ADAMTS16: variants seen among roughly 807,000 people sequenced by gnomAD.
ADAMTS16 encodes A disintegrin and metalloproteinase with thrombospondin motifs 16.
Under a neutral mutation model 145.8 loss-of-function variants are expected in ADAMTS16, and 94 were observed. That is an observed-to-expected ratio of 0.64 (90% CI 0.55 to 0.77). ADAMTS16 has a LOEUF of 0.77. Ranked by LOEUF, ADAMTS16 falls within the 30% of genes least tolerant of loss-of-function variation. The pLI, the probability that ADAMTS16 is intolerant of heterozygous loss-of-function variation, is 0.00. For synonymous variants in ADAMTS16, 659 were observed against 604.3 expected (o/e 1.09, Z -1.33); for missense variants, 1,585 against 1,591.5 (o/e 1.00, Z 0.07).
In ADAMTS16 at chr5:5,182,957, T is replaced by TAC. The variant is rs573974213; in HGVS notation, c.763+652_763+653insAC. Reference sequence around the variant, plus strand: ...CCTCAGGAGTCTCTGGACTGCCCCCTCTCCCCCTGCCCATTGTTTCCTGCG... The same window carrying TAC: ...CCTCAGGAGTCTCTGGACTGCCCCCTACCTCCCCCTGCCCATTGTTTCCTGCG... On this transcript the variant is annotated intron_variant, in intron 4 of 22. Coordinates refer to ENST00000274181, the MANE Select transcript of ADAMTS16 (RefSeq NM_139056.4). Among the ~76,000 whole-genome samples the TAC allele has an allele frequency of 2.9e-4, 44 of 152,256 alleles. No individual in the cohort carries two copies. The South Asian group carries it at 8.1e-3, about 28-fold the overall frequency.
In ADAMTS16 at chr5:5,190,131, G is replaced by A; in HGVS notation, c.1207+1G>A. ...AAGAATGAGCCCTGTGACACTTTGGGTGAGAACCTCCAGCAGAGTGTGAGG... is the reference window on the plus strand; with the variant it reads ...AAGAATGAGCCCTGTGACACTTTGGATGAGAACCTCCAGCAGAGTGTGAGG... On this transcript the variant is annotated splice_donor_variant, in intron 7 of 22. Transcript: ENST00000274181. LOFTEE classifies it high-confidence loss of function. The A allele has an allele frequency of 6.3e-7, 1 of 1,589,316 alleles. No individual in the cohort carries two copies. Among genetic ancestry groups the A allele is most frequent in the Non-Finnish European group, 8.6e-7 (1 of 1,167,310 alleles).
intron 21 of ADAMTS16, 33 bp from the exon 22 acceptor site, chr5:5,318,101 G>A: frequency 7.4e-7 from 1 of 1,350,122 alleles, no homozygotes; most frequent in South Asian, 2.2e-5. Flanking sequence ...GAGAGCCTGG[G>A]GCCATGGTGA....
At chr5:5,318,807 C>A (rs1053566259) in intron 22 of ADAMTS16, among the ~76,000 whole-genome samples, 1 of 152,082 alleles carries the variant, frequency 6.6e-6, no homozygotes, top group African/African-American at 2.4e-5. Context: ...GTGGGGTCAG[C>A]ACAAGAAGAA....
rs1214889011 is a variant in ADAMTS16 at position 5,227,414 on chromosome 5, G to A, written c.1701+4530G>A. On this transcript the variant is annotated intron_variant, in intron 11 of 22. Coordinates refer to ENST00000274181, the MANE Select transcript of ADAMTS16 (RefSeq NM_139056.4). ...CCTAAGAAACCTAATTGGTATTTCC[G>A]TGGAAATCTATATATATATTTAACA... Among the ~76,000 whole-genome samples the A allele has an allele frequency of 5.9e-5, 9 of 152,170 alleles. No homozygotes were observed. The South Asian group carries it at 6.2e-4, about 11-fold the overall frequency.
intron 17 of ADAMTS16, among the ~76,000 whole-genome samples, chr5:5,255,803 T>C (rs888710684): frequency 6.6e-6 from 1 of 152,244 alleles, no homozygotes; most frequent in Non-Finnish European, 1.5e-5. Flanking sequence ...TTCTAATATA[T>C]TGACTTTTGT....
chr5:5,259,774 C>A (rs1028234407), intron 17 of ADAMTS16, among the ~76,000 whole-genome samples: 40 of 152,334 alleles, frequency 2.6e-4, no homozygotes, highest in African/African-American at 9.1e-4. Context: ...TTGTTAGGAA[C>A]AAAAGGAAAG....
rs1335176426 is a variant in ADAMTS16, at chr5:5,319,900, G to A, written c.*762G>A. 2.2e-6 allele frequency: 1 copy of A among 455,732 alleles called. No individual in the cohort carries two copies. Among genetic ancestry groups the A allele is most frequent in the African/African-American group, 2.0e-5 (1 of 50,166 alleles). The allele number at this position is 455,732 out of a possible 1,614,324, so 28.2% of individuals were successfully genotyped here. A position where few individuals can be genotyped will look rare whatever the true frequency, so the allele number is the denominator to read the frequency against. ...CTTTCTCAGTTATTTGCAAGTGAGT[G>A]TCCTTTTAAAAACACACTTCTTCAT... On this transcript the variant is annotated 3_prime_UTR_variant, in exon 23 of 23. Transcript: ENST00000274181.
chr5:5,160,488 C>T (rs1297171089), intron 3 of ADAMTS16, among the ~76,000 whole-genome samples: 2 of 152,088 alleles, frequency 1.3e-5, no homozygotes, highest in Admixed American at 6.6e-5. Context: ...ACCTCCTCTA[C>T]TAGATGAAGA....
At chr5:5,251,161 T>A (rs185558348) in intron 17 of ADAMTS16, among the ~76,000 whole-genome samples, 21 of 152,326 alleles carry the variant, frequency 1.4e-4, no homozygotes, top group African/African-American at 5.1e-4. Flanking sequence ...ACACAAATCA[T>A]TCCTGAGACA....
chr5:5,305,860 C>T (rs1170139544), intron 20 of ADAMTS16, among the ~76,000 whole-genome samples: 1 of 152,258 alleles, frequency 6.6e-6, no homozygotes, highest in Non-Finnish European at 1.5e-5. Flanking sequence ...TGTGGTGGGA[C>T]AGTGTGCCTT....
chr5:5,186,040 G>A lies in ADAMTS16; in HGVS notation c.764-12G>A. ...TTGTGCTTCCATTTGCCCTCCATGT[G>A]TCCCTCCATAGACATGCCCCAGCCT... On this transcript the variant is annotated splice_polypyrimidine_tract_variant and intron_variant, in intron 4 of 22. Coordinates refer to ENST00000274181, the MANE Select transcript of ADAMTS16 (RefSeq NM_139056.4). 6.2e-7 allele frequency: 1 copy of A among 1,605,988 alleles called. No individual in the cohort carries two copies. The highest frequency in any genetic ancestry group is 1.3e-5 in the African/African-American group (1 of 74,890).
chr5:5,319,437 T>C lies in ADAMTS16; in HGVS notation c.*299T>C, dbSNP rs1734194722. ...CAACGGGAGAGGCAGCACTCACCCC[T>C]GCCTGTTGCAGCTAAATCAAGTCAA... is the stretch of plus-strand genomic sequence containing the variant. On this transcript the variant is annotated 3_prime_UTR_variant, in exon 23 of 23. Transcript: ENST00000274181. 2.4e-6 allele frequency: 1 copy of C among 409,248 alleles called. No individual in the cohort carries two copies. Among genetic ancestry groups the C allele is most frequent in the South Asian group, 2.8e-5 (1 of 35,976 alleles). The allele number at this position is 409,248 out of a possible 1,614,324, so 25.4% of individuals were successfully genotyped here.
rs1307532390 is a variant in ADAMTS16 at position 5,269,070 on chromosome 5, C to A, written c.2789+6287C>A. ...ACCTGTGACCTCTCGGTCCTTAACACCCCTCTCCAGACAGGCCATGCCTCT... is the reference window on the plus strand; with the variant it reads ...ACCTGTGACCTCTCGGTCCTTAACAACCCTCTCCAGACAGGCCATGCCTCT... On this transcript the variant is annotated intron_variant, in intron 18 of 22. Coordinates refer to ENST00000274181, the MANE Select transcript of ADAMTS16 (RefSeq NM_139056.4). The surrounding 1 kb of genome is among the most constrained non-coding windows in gnomAD (Gnocchi z 4.3). 6.6e-6 allele frequency among the ~76,000 whole-genome samples: 1 copy of A among 152,168 alleles called. No individual in the cohort carries two copies. The highest frequency in any genetic ancestry group is 2.4e-5 in the African/African-American group (1 of 41,436).
intron 16 of ADAMTS16, 27 bp from the exon 17 acceptor site, chr5:5,242,026 T>C (rs777271565): frequency 1.9e-6 from 3 of 1,612,976 alleles, no homozygotes; most frequent in East Asian, 2.2e-5. Context: ...TAATTTGTTT[T>C]ATTTTTTCCC....
intron 8 of ADAMTS16, among the ~76,000 whole-genome samples, chr5:5,192,234 C>A (rs1735679757): frequency 6.6e-6 from 1 of 152,124 alleles, no homozygotes; most frequent in Non-Finnish European, 1.5e-5. Flanking sequence ...CACAAGTTTC[C>A]ATGTCCCTGG....
At chr5:5,271,376 T>A (rs926304012) in intron 18 of ADAMTS16, among the ~76,000 whole-genome samples, 2 of 152,240 alleles carry the variant, frequency 1.3e-5, no homozygotes, top group Non-Finnish European at 2.9e-5. Context: ...CGGGGAGCTG[T>A]GCAGCCTGTG....
chr5:5,154,802 G>T (rs776246607), intron 3 of ADAMTS16, among the ~76,000 whole-genome samples: 4 of 152,166 alleles, frequency 2.6e-5, no homozygotes, highest in Admixed American at 6.5e-5. Context: ...TCCATCCTCA[G>T]CCTCACAAAG....
chr5:5,263,414 C>T (rs1738107526), intron 18 of ADAMTS16, among the ~76,000 whole-genome samples: 1 of 152,248 alleles, frequency 6.6e-6, no homozygotes, highest in Admixed American at 6.5e-5. Context: ...CTCTGGTCTT[C>T]ATTTTCTTCA....
At position 5,239,935 on chromosome 5, in the gene ADAMTS16, A is replaced by G; in HGVS notation, c.2523+10A>G. 1.2e-6 allele frequency: 2 copies of G among 1,612,460 alleles called. No homozygotes were observed. The highest frequency in any genetic ancestry group is 1.7e-6 in the Non-Finnish European group (2 of 1,178,922). ...GACACTGATTGTGGAGGTAAAGTCC[A>G]GCCTCTTGATTTTGGGGCTTGGATT... On this transcript the variant is annotated intron_variant, in intron 16 of 22. Transcript: ENST00000274181.
Sources: allele counts gnomAD v4.1 joint callset (sites outside exome capture counted in the v4.1 genomes callset), GRCh38; gene constraint gnomAD v4.1.1; non-coding constraint Gnocchi (gnomAD v3.1); transcripts MANE v1.5; gene names NCBI Gene and HGNC (gene_info 2026-07-23, HGNC 2026-07-21).